The following HTT variants were observed in gnomAD, a reference collection of about 807,000 sequenced individuals.
HTT encodes huntingtin.
In HTT, 104 loss-of-function variants were observed where a neutral mutation model predicts 362.3. That is an observed-to-expected ratio of 0.29 (90% CI 0.24 to 0.34). The LOEUF (loss-of-function observed/expected upper bound fraction) is 0.34. HTT is among the 10% of genes least tolerant of loss of function. HTT has a pLI of 1.00. For synonymous variants in HTT, 1,577 were observed against 1,548.7 expected (o/e 1.02, Z -0.43); for missense variants, 3,301 against 3,928.6 (o/e 0.84, Z 4.27).
At chr4:3,156,236 C>T (rs1195751203) in intron 27 of HTT, among the ~76,000 whole-genome samples, 1 of 152,156 alleles carries the variant, frequency 6.6e-6, no homozygotes, top group Non-Finnish European at 1.5e-5. Flanking sequence ...TCTCCTGCCT[C>T]AGCCTCCTGA....
chr4:3,173,075 C>T lies in HTT; in HGVS notation c.4110C>T (p.Leu1370=), dbSNP rs755530204. ...MAPYTHFTQA[L]ADASLRNMVQ... ...CGTACACCCACTTCACCCAGGCCCT[C>T]GCTGACGCCAGCCTGAGGAACATGG... is the stretch of plus-strand genomic sequence containing the variant. Residue 1370 remains leucine, a synonymous_variant, in exon 31 of 67, where the codon CTC becomes CTT. Coordinates refer to ENST00000355072, the MANE Select transcript of HTT (RefSeq NM_001388492.1). The T allele has an allele frequency of 3.7e-6, 6 of 1,614,030 alleles. No individual in the cohort carries two copies. The highest frequency in any genetic ancestry group is 2.2e-5 in the East Asian group (1 of 44,898).
chr4:3,076,800 A>G (rs1222192820), intron 1 of HTT, among the ~76,000 whole-genome samples: 2 of 152,228 alleles, frequency 1.3e-5, no homozygotes, highest in African/African-American at 4.8e-5. Context: ...AAATATGGGT[A>G]TCAAGAAATT....
At chr4:3,156,056 T>C (rs775641694) in intron 27 of HTT, among the ~76,000 whole-genome samples, 1 of 152,242 alleles carries the variant, frequency 6.6e-6, no homozygotes, top group Non-Finnish European at 1.5e-5. Context: ...GCAGTCACCA[T>C]GCTATACAGT....
intron 21 of HTT, among the ~76,000 whole-genome samples, chr4:3,137,555 C>T (rs185420229): frequency 7.8e-4 from 118 of 152,154 alleles, no homozygotes; most frequent in Admixed American, 2.3e-3. Context: ...AAAAATTAGT[C>T]GGATGTGGTG....
At chr4:3,122,853 C>T in intron 9 of HTT, 36 bp from the exon 10 acceptor site, 1 of 1,544,432 alleles carries the variant, frequency 6.5e-7, no homozygotes, top group Non-Finnish European at 8.8e-7. Flanking sequence ...ATTTTATCAG[C>T]TTGTTACTTT....
rs559171288 is a variant in HTT, at chr4:3,237,325, T to TG, written c.8891+1073dup. 3.4e-3 allele frequency among the ~76,000 whole-genome samples: 515 copies of TG among 152,258 alleles called. 4 individuals carry two copies. Among genetic ancestry groups the TG allele is most frequent in the Non-Finnish European group, 3.8e-3 (257 of 67,994 alleles). On this transcript the variant is annotated intron_variant, in intron 64 of 66. Transcript: ENST00000355072. ...CTGAACTCAAGTGATCCACCCTCCT[T>TG]GGCCTCCCAAAGTGCTGGGATTGCA...
chr4:3,135,813 G>T lies in HTT; in HGVS notation c.2634-91G>T, dbSNP rs1009477522. 20 of 915,028 alleles carry T rather than the reference G, an allele frequency of 2.2e-5. No individual in the cohort carries two copies. The South Asian group carries it at 3.2e-4, about 15-fold the overall frequency. 56.7% of individuals were successfully genotyped at this position (915,028 alleles called of 1,614,324 possible). ...AAGTGCTGCCCAAGGTCCTTCCAGG[G>T]CACCTGGATGAGCCTGCTCTGGAGC... On this transcript the variant is annotated intron_variant, in intron 19 of 66. Coordinates refer to ENST00000355072, the MANE Select transcript of HTT (RefSeq NM_001388492.1).
chr4:3,198,219 T>TTC (rs1325982641), intron 40 of HTT, among the ~76,000 whole-genome samples: 2 of 120,676 alleles, frequency 1.7e-5, no homozygotes, highest in Non-Finnish European at 3.4e-5. Flanking sequence ...GTGTTGATTT[T>TTC]TTTTTTTTTT....
chr4:3,222,588 T>TCG (rs1491174072), intron 54 of HTT, 101 bp downstream of exon 54: 13 of 817,118 alleles, frequency 1.6e-5, no homozygotes, highest in Non-Finnish European at 2.6e-5. Context: ...GTTCTTTTTT[T>TCG]CTCTTACCTT....
At chr4:3,152,866 T>C (rs1578542513) in intron 26 of HTT, among the ~76,000 whole-genome samples, 1 of 146,734 alleles carries the variant, frequency 6.8e-6, no homozygotes, top group Non-Finnish European at 1.5e-5. Flanking sequence ...TTAGCCAGGG[T>C]GGTCTCGATC....
At chr4:3,100,338 G>T (rs1714092615) in intron 3 of HTT, among the ~76,000 whole-genome samples, 1 of 152,228 alleles carries the variant, frequency 6.6e-6, no homozygotes, top group Non-Finnish European at 1.5e-5. Flanking sequence ...TACCCAGCAA[G>T]ATTGATGGGT....
intron 61 of HTT, 125 bp from the exon 62 acceptor site, chr4:3,235,159 G>A (rs1331337137): frequency 1.4e-6 from 1 of 694,836 alleles, no homozygotes; most frequent in South Asian, 1.7e-5. Flanking sequence ...GCCACTCAGG[G>A]TAGGCGCTCC....
chr4:3,217,939 G>A lies in HTT; in HGVS notation c.7229G>A (p.Arg2410His), dbSNP rs773420009. The change falls in exon 52 of 67, where the codon CGT becomes CAT. Residue 2410 changes from arginine (R) to histidine (H), a missense_variant. Around this residue, in one of 4 missense-constraint regions of HTT, gnomAD observed 753 missense variants for 1,021.3 expected, o/e 0.74. Coordinates refer to ENST00000355072, the MANE Select transcript of HTT (RefSeq NM_001388492.1). ...ARLPLVNSYT[R>H]VPPLVWKLGW... ...CTGCCCCTTGTCAACAGCTACACAC[G>A]TGTGCCCCCACTGGTGAGTCTGCTC... The A allele has an allele frequency of 6.2e-7, 1 of 1,610,332 alleles. No individual in the cohort carries two copies. Among genetic ancestry groups the A allele is most frequent in the Non-Finnish European group, 8.5e-7 (1 of 1,178,722 alleles).
At chr4:3,238,367 T>A (rs1721641608) in intron 64 of HTT, 80 bp from the exon 65 acceptor site, 1 of 1,084,802 alleles carries the variant, frequency 9.2e-7, no homozygotes, top group Non-Finnish European at 1.3e-6. Context: ...TTCCCCAGTA[T>A]TAGAGCCAAG....
intron 23 of HTT, 148 bp downstream of exon 23, chr4:3,143,034 G>A (rs1716422327): frequency 1.7e-6 from 1 of 598,598 alleles, no homozygotes; most frequent in East Asian, 2.7e-5. Context: ...TTGTGCTTCT[G>A]TGAAAAGAAT....
chr4:3,234,924 A>T (rs1721449061), intron 61 of HTT, among the ~76,000 whole-genome samples: 1 of 152,176 alleles, frequency 6.6e-6, no homozygotes, highest in African/African-American at 2.4e-5. Context: ...AAGGAAAAGC[A>T]CAGGGCACTC....
chr4:3,215,334 T>C (rs1720347954), intron 51 of HTT, 123 bp downstream of exon 51: 2 of 662,370 alleles, frequency 3.0e-6, no homozygotes, highest in Admixed American at 5.3e-5. Context: ...CGCTGTGTCC[T>C]GCTGCTCCTC....
At chr4:3,183,668 T>C (rs745711731) in intron 37 of HTT, among the ~76,000 whole-genome samples, 47 of 152,216 alleles carry the variant, frequency 3.1e-4, no homozygotes, top group Non-Finnish European at 4.3e-4. Context: ...GCAGTTTTAG[T>C]GTGGTCAGGG....
At chr4:3,109,320 G>T (rs1267577228) in intron 6 of HTT, among the ~76,000 whole-genome samples, 2 of 147,108 alleles carry the variant, frequency 1.4e-5, no homozygotes, top group African/African-American at 5.1e-5. Flanking sequence ...TCTGTCTCCC[G>T]GGTTCAAGCG....
Sources: allele counts gnomAD v4.1 joint callset (sites outside exome capture counted in the v4.1 genomes callset), GRCh38; gene constraint gnomAD v4.1.1; regional missense constraint gnomAD v4.1.1; transcripts MANE v1.5; gene names NCBI Gene and HGNC (gene_info 2026-07-23, HGNC 2026-07-21).